ARK2C: variants seen among roughly 807,000 people sequenced by gnomAD.
ARK2C encodes E3 ubiquitin-protein ligase ARK2C.
chr18:46,449,660 T>G, the ARK2C span, among the ~76,000 whole-genome samples: 1 of 152,172 alleles, frequency 6.6e-6, no homozygotes, highest in African/African-American at 2.4e-5. Context: ...TCTCATAAGA[T>G]CTGATGGTTT....
chr18:46,415,423 G>A, the ARK2C span, among the ~76,000 whole-genome samples: 60 of 152,178 alleles, frequency 3.9e-4, no homozygotes, highest in Admixed American at 8.5e-4. Context: ...CTACTCGGGA[G>A]GCTGAGGCAG....
At chr18:46,369,797 C>T in the ARK2C span, among the ~76,000 whole-genome samples, 309 of 152,306 alleles carry the variant, frequency 2.0e-3, 3 homozygotes, top group African/African-American at 5.4e-3. Flanking sequence ...ACTTTGCATG[C>T]GCATTTCAAG....
At chr18:46,412,784 C>G in the ARK2C span, among the ~76,000 whole-genome samples, 1 of 152,114 alleles carries the variant, frequency 6.6e-6, no homozygotes, top group Non-Finnish European at 1.5e-5. Context: ...ACAGCCAACG[C>G]GGAGTGACCA....
chr18:46,405,965 C>T, the ARK2C span, among the ~76,000 whole-genome samples: 2 of 152,060 alleles, frequency 1.3e-5, no homozygotes, highest in Non-Finnish European at 2.9e-5. Context: ...GTACACCCTA[C>T]ACACTCATCC....
chr18:46,339,778 A>G, the ARK2C span, among the ~76,000 whole-genome samples: 1 of 152,236 alleles, frequency 6.6e-6, no homozygotes, highest in Non-Finnish European at 1.5e-5. Context: ...ACTATTAGTT[A>G]CTCAAATTTA....
At chr18:46,364,292 GC>G in the ARK2C span, among the ~76,000 whole-genome samples, 2 of 151,760 alleles carry the variant, frequency 1.3e-5, no homozygotes, top group Non-Finnish European at 2.9e-5. Flanking sequence ...GGATCTTCCT[GC>G]CCTCCCCACC....
the ARK2C span, among the ~76,000 whole-genome samples, chr18:46,383,668 C>T: frequency 1.2e-4 from 18 of 151,286 alleles, no homozygotes; most frequent in Non-Finnish European, 2.4e-4. Flanking sequence ...CATTCTCCTG[C>T]CTCAGCCTCC....
the ARK2C span, among the ~76,000 whole-genome samples, chr18:46,394,994 G>C: frequency 1.3e-5 from 2 of 152,222 alleles, no homozygotes; most frequent in African/African-American, 4.8e-5. Flanking sequence ...CATGTAGCCT[G>C]TGGAGACAGC....
At chr18:46,394,414 C>T in the ARK2C span, among the ~76,000 whole-genome samples, 1 of 152,176 alleles carries the variant, frequency 6.6e-6, no homozygotes, top group Non-Finnish European at 1.5e-5. Flanking sequence ...GATGACACAG[C>T]TCTCCCTCTC....
chr18:46,425,311 G>A, the ARK2C span, among the ~76,000 whole-genome samples: 1 of 152,194 alleles, frequency 6.6e-6, no homozygotes, highest in Non-Finnish European at 1.5e-5. Context: ...CTGGTCAGCT[G>A]GCAGGCCTGC....
chr18:46,441,756 C>T, the ARK2C span, among the ~76,000 whole-genome samples: 43 of 148,342 alleles, frequency 2.9e-4, no homozygotes, highest in African/African-American at 1.0e-3. Context: ...GGTGCAGTGG[C>T]GGGCGCCTGT....
the ARK2C span, among the ~76,000 whole-genome samples, chr18:46,409,364 G>A: frequency 1.6e-4 from 25 of 152,204 alleles, no homozygotes; most frequent in Non-Finnish European, 3.2e-4. Flanking sequence ...GAAGGAATGA[G>A]CTCAAGGGAT....
the ARK2C span, among the ~76,000 whole-genome samples, chr18:46,375,380 C>G: frequency 7.0e-4 from 107 of 152,016 alleles, no homozygotes; most frequent in African/African-American, 2.5e-3. Flanking sequence ...TGGGCAAAAC[C>G]CTGTCTCTAC....
chr18:46,440,433 A>G, the ARK2C span, among the ~76,000 whole-genome samples: 2 of 152,264 alleles, frequency 1.3e-5, no homozygotes, highest in Admixed American at 6.5e-5. Context: ...ATAGGAAGAA[A>G]CATAGTATAT....
the ARK2C span, among the ~76,000 whole-genome samples, chr18:46,417,582 T>C: frequency 3.3e-5 from 5 of 152,246 alleles, no homozygotes; most frequent in African/African-American, 1.2e-4. Context: ...GGCAGTCATA[T>C]TTAAAATGGA....
the ARK2C span, among the ~76,000 whole-genome samples, chr18:46,353,684 G>A: frequency 1.1e-4 from 17 of 152,274 alleles, no homozygotes; most frequent in Middle Eastern, 3.4e-3. Context: ...TAGGCAGGGG[G>A]CCAGGACTCT....
chr18:46,411,945 G>A, the ARK2C span, among the ~76,000 whole-genome samples: 1 of 152,230 alleles, frequency 6.6e-6, no homozygotes. Flanking sequence ...CCCTGGAGTG[G>A]GGTCGATGAT....
the ARK2C span, chr18:46,459,547 G>T: frequency 6.6e-6 from 1 of 152,284 alleles, no homozygotes; most frequent in Non-Finnish European, 1.5e-5. Context: ...AGGGACTGGG[G>T]AGGGGACCAC....
the ARK2C span, among the ~76,000 whole-genome samples, chr18:46,411,142 A>T: frequency 1.3e-5 from 2 of 152,172 alleles, no homozygotes; most frequent in Non-Finnish European, 2.9e-5. Flanking sequence ...TAATTTTGAG[A>T]GTTGAATGAA....
Sources: allele counts gnomAD v4.1 joint callset (sites outside exome capture counted in the v4.1 genomes callset), GRCh38; gene constraint gnomAD v4.1.1; transcripts MANE v1.5; gene names NCBI Gene and HGNC (gene_info 2026-07-23, HGNC 2026-07-21).